Variants in GRM8 observed in about 807,000 individuals in gnomAD.
GRM8 encodes the protein metabotropic glutamate receptor 8.
In GRM8, 47 loss-of-function variants were observed where a neutral mutation model predicts 87.2. That is an observed-to-expected ratio of 0.54 (90% CI 0.43 to 0.69). The LOEUF is 0.69. Among genes scored for constraint, GRM8 ranks in the 30% least tolerant of loss-of-function variants. GRM8 has a pLI of 0.00. For missense variants in GRM8, 1,019 were observed against 1,139.2 expected (o/e 0.89, Z 1.52); for synonymous variants, 396 against 404.5 (o/e 0.98, Z 0.25).
rs537162841 is a variant in GRM8 at position 126,745,915 on chromosome 7, G to A, written c.1357+23950C>T. Reference sequence around the variant, plus strand: ...ATCTCTATAATTCATAAGCAACTCAGATATATAATAAATTTATATGTACAA... The same window carrying A: ...ATCTCTATAATTCATAAGCAACTCAAATATATAATAAATTTATATGTACAA... On this transcript the variant is annotated intron_variant, in intron 7 of 10. Transcript: ENST00000339582. Among the ~76,000 whole-genome samples, 8 of 151,676 alleles carry A rather than the reference G, an allele frequency of 5.3e-5. No homozygotes were observed. In the East Asian group the frequency reaches 1.5e-3, roughly 29 times the overall value.
chr7:126,792,011 A>C (rs527510527), intron 6 of GRM8, among the ~76,000 whole-genome samples: 1 of 152,314 alleles, frequency 6.6e-6, no homozygotes, highest in African/African-American at 2.4e-5. Flanking sequence ...ATGGAAGGTC[A>C]CAGATTATAA....
chr7:126,619,464 G>A (rs915817030), intron 7 of GRM8, among the ~76,000 whole-genome samples: 1 of 151,700 alleles, frequency 6.6e-6, no homozygotes, highest in Admixed American at 6.6e-5. Context: ...GTATACACAT[G>A]TAACAAACCT....
intron 3 of GRM8, among the ~76,000 whole-genome samples, chr7:127,062,193 T>C (rs193012822): frequency 6.6e-6 from 1 of 150,856 alleles, no homozygotes; most frequent in Non-Finnish European, 1.5e-5. Context: ...GAAAGGCTAA[T>C]TCCAGGTAAT....
chr7:127,119,863 T>A (rs1466266890), intron 2 of GRM8, among the ~76,000 whole-genome samples: 1 of 152,222 alleles, frequency 6.6e-6, no homozygotes, highest in Non-Finnish European at 1.5e-5. Context: ...CCTTGTTTCA[T>A]CCTTTAAGTG....
In GRM8 at chr7:126,938,863, T is replaced by C. The variant is rs987098237; in HGVS notation, c.728-34180A>G. On this transcript the variant is annotated intron_variant, in intron 3 of 10. Coordinates refer to ENST00000339582, the MANE Select transcript of GRM8 (RefSeq NM_000845.3). ...GTATACAGGCAGTTAAGTGCTCTGA[T>C]TCTGAAAACAGATGGATCGTTTATA... is the stretch of plus-strand genomic sequence containing the variant. 2.6e-5 allele frequency among the ~76,000 whole-genome samples: 4 copies of C among 152,166 alleles called. No individual in the cohort carries two copies. The South Asian group carries it at 8.3e-4, about 31-fold the overall frequency.
chr7:126,879,663 G>T (rs890229277), intron 6 of GRM8, among the ~76,000 whole-genome samples: 12 of 152,036 alleles, frequency 7.9e-5, no homozygotes, highest in African/African-American at 2.9e-4. Context: ...GAGAGTCAAG[G>T]AATTAATTTT....
chr7:126,956,049 G>T, intron 3 of GRM8, among the ~76,000 whole-genome samples: 1 of 152,226 alleles, frequency 6.6e-6, no homozygotes, highest in Admixed American at 6.5e-5. Flanking sequence ...CAGAAAGCAC[G>T]AATTTGACGT....
chr7:127,008,869 C>T (rs561305314), intron 3 of GRM8, among the ~76,000 whole-genome samples: 105 of 152,156 alleles, frequency 6.9e-4, no homozygotes, highest in African/African-American at 2.3e-3. Context: ...TTGACTTTTC[C>T]GCTTTTCAAA....
intron 2 of GRM8, among the ~76,000 whole-genome samples, chr7:127,156,968 G>A (rs1792768667): frequency 6.6e-6 from 1 of 151,950 alleles, no homozygotes; most frequent in African/African-American, 2.4e-5. Context: ...TATTGGAAAA[G>A]AAAAAAGATA....
intron 3 of GRM8, among the ~76,000 whole-genome samples, chr7:127,076,941 A>G (rs190926679): frequency 6.6e-6 from 1 of 152,300 alleles, no homozygotes; most frequent in East Asian, 1.9e-4. Context: ...GAAGAAACTA[A>G]AGTCCAGAGA....
intron 7 of GRM8, among the ~76,000 whole-genome samples, chr7:126,749,942 C>T (rs1816220997): frequency 6.6e-6 from 1 of 152,112 alleles, no homozygotes; most frequent in Non-Finnish European, 1.5e-5. Flanking sequence ...GTCTCTCGTA[C>T]AGTTAAATGT....
chr7:126,847,988 T>C (rs562705143), intron 6 of GRM8, among the ~76,000 whole-genome samples: 2 of 152,174 alleles, frequency 1.3e-5, no homozygotes, highest in African/African-American at 4.8e-5. Flanking sequence ...GGAGAGGAGA[T>C]TACAAATGGA....
intron 9 of GRM8, among the ~76,000 whole-genome samples, chr7:126,523,652 C>G (rs1366060878): frequency 6.6e-6 from 1 of 152,048 alleles, no homozygotes; most frequent in Admixed American, 6.6e-5. Context: ...CACCTGCAAT[C>G]ATGCCAGGCT....
At chr7:126,491,659 C>A (rs982323481) in intron 9 of GRM8, among the ~76,000 whole-genome samples, 1 of 151,992 alleles carries the variant, frequency 6.6e-6, no homozygotes, top group African/African-American at 2.4e-5. Context: ...CTTCTGTGAA[C>A]CTTTAGCCAA....
intron 3 of GRM8, among the ~76,000 whole-genome samples, chr7:127,028,730 T>C (rs2132281820): frequency 6.6e-6 from 1 of 152,266 alleles, no homozygotes; most frequent in Middle Eastern, 3.4e-3. Context: ...TTTCTTTTCT[T>C]ATTAGTCTTG....
At position 127,232,729 on chromosome 7, in the gene GRM8, A is replaced by G. The variant is rs189394177; in HGVS notation, c.510+9966T>C. Reference sequence around the variant, plus strand: ...CCTCATTATCATCATCATAACAAACATTTATGGTGCCTCCTATGGAGCAGG... The same window carrying G: ...CCTCATTATCATCATCATAACAAACGTTTATGGTGCCTCCTATGGAGCAGG... On this transcript the variant is annotated intron_variant, in intron 2 of 10. Coordinates refer to ENST00000339582, the MANE Select transcript of GRM8 (RefSeq NM_000845.3). 6.8e-3 allele frequency among the ~76,000 whole-genome samples: 1,041 copies of G among 152,250 alleles called. 11 individuals carry two copies. The highest frequency in any genetic ancestry group is 0.019 in the South Asian group (93 of 4,814).
chr7:126,656,752 G>A (rs1804577134), intron 7 of GRM8, among the ~76,000 whole-genome samples: 1 of 152,074 alleles, frequency 6.6e-6, no homozygotes, highest in Non-Finnish European at 1.5e-5. Context: ...GTTGGACAGA[G>A]AGGGGTTATT....
intron 2 of GRM8, among the ~76,000 whole-genome samples, chr7:127,169,655 CA>C (rs1341838436): frequency 6.6e-6 from 1 of 152,194 alleles, no homozygotes; most frequent in Non-Finnish European, 1.5e-5. Context: ...TTCAAAGTTT[CA>C]AAAGGCAAGC....
intron 7 of GRM8, among the ~76,000 whole-genome samples, chr7:126,610,704 AC>A (rs1331248624): frequency 6.6e-6 from 1 of 152,256 alleles, no homozygotes; most frequent in Admixed American, 6.5e-5. Flanking sequence ...TATCAAAAAA[AC>A]ACAGTAACCT....
Sources: allele counts gnomAD v4.1 joint callset (sites outside exome capture counted in the v4.1 genomes callset), GRCh38; gene constraint gnomAD v4.1.1; transcripts MANE v1.5; gene names NCBI Gene and HGNC (gene_info 2026-07-23, HGNC 2026-07-21).